The following VSTM2B variants were observed in gnomAD, a reference collection of about 807,000 sequenced individuals.
The protein encoded by VSTM2B is V-set and transmembrane domain containing 2B, also known as V-set and transmembrane domain-containing protein 2B.
VSTM2B carries 24 observed loss-of-function variants against 24.0 expected under a neutral mutation model. That is an observed-to-expected ratio of 1.00 (90% CI 0.72 to 1.40). The LOEUF (loss-of-function observed/expected upper bound fraction) is 1.40, where lower values mean the gene tolerates loss of function less well. Among genes scored for constraint, VSTM2B ranks in the 40% most tolerant of loss-of-function variants. VSTM2B has a pLI of 0.00. For missense variants in VSTM2B, 399 were observed against 416.4 expected (o/e 0.96, Z 0.36); for synonymous variants, 226 against 194.4 (o/e 1.16, Z -1.35).
chr19:29,553,827 C>T (rs796337435), intron 4 of VSTM2B, among the ~76,000 whole-genome samples: 3 of 152,194 alleles, frequency 2.0e-5, no homozygotes, highest in African/African-American at 7.2e-5. Context: ...AATTTCAGAG[C>T]TTGAAGACTA....
At chr19:29,527,100 C>A in intron 1 of VSTM2B, 111 bp from the exon 2 acceptor site, 1 of 969,084 alleles carries the variant, frequency 1.0e-6, no homozygotes, top group Non-Finnish European at 1.5e-6. Flanking sequence ...GGAGCAGCTG[C>A]GGGGTGGGGG....
intron 4 of VSTM2B, among the ~76,000 whole-genome samples, chr19:29,539,998 G>A (rs1429300800): frequency 6.6e-6 from 1 of 152,272 alleles, no homozygotes; most frequent in Non-Finnish European, 1.5e-5. Flanking sequence ...TCCATCAGCT[G>A]CCCTCAGGGA....
intron 4 of VSTM2B, among the ~76,000 whole-genome samples, chr19:29,546,609 C>A (rs986031800): frequency 2.0e-5 from 3 of 152,204 alleles, no homozygotes; most frequent in African/African-American, 2.4e-5. Context: ...GGGGCAGGGG[C>A]CCCTCAGGTG....
intron 4 of VSTM2B, among the ~76,000 whole-genome samples, chr19:29,562,334 G>A (rs1448749102): frequency 6.6e-6 from 1 of 152,216 alleles, no homozygotes; most frequent in Non-Finnish European, 1.5e-5. Flanking sequence ...CCTGGAGAGA[G>A]GAGAGCTGTG....
chr19:29,561,861 G>A (rs552105031), intron 4 of VSTM2B, among the ~76,000 whole-genome samples: 138 of 152,318 alleles, frequency 9.1e-4, no homozygotes, highest in Middle Eastern at 6.8e-3. Context: ...AGAGCAGATT[G>A]GAGTCTTTGC....
chr19:29,527,159 C>T, intron 1 of VSTM2B, 52 bp from the exon 2 acceptor site: 1 of 1,492,232 alleles, frequency 6.7e-7, no homozygotes, highest in South Asian at 1.3e-5. Flanking sequence ...TAGGTTGCCC[C>T]AGGCCCCCGA....
intron 4 of VSTM2B, among the ~76,000 whole-genome samples, chr19:29,546,670 G>GCCCCCCCCCCCCCCC (rs201235419): frequency 1.3e-5 from 2 of 150,320 alleles, no homozygotes; most frequent in Admixed American, 6.6e-5. Context: ...CCGCTGGGGA[G>GCCCCCCCCCCCCCCC]CCCCCACCCC....
At chr19:29,547,109 CA>C (rs1279650944) in intron 4 of VSTM2B, among the ~76,000 whole-genome samples, 4 of 152,098 alleles carry the variant, frequency 2.6e-5, no homozygotes, top group Non-Finnish European at 4.4e-5. Context: ...CCAGATTTAG[CA>C]AATAAAAATA....
chr19:29,542,059 G>A (rs1970032879), intron 4 of VSTM2B, among the ~76,000 whole-genome samples: 2 of 150,952 alleles, frequency 1.3e-5, no homozygotes, highest in Non-Finnish European at 3.0e-5. Flanking sequence ...AGAACGAATG[G>A]ATGGGTAGAA....
chr19:29,538,467 C>G (rs1381346470), intron 4 of VSTM2B, among the ~76,000 whole-genome samples: 2 of 152,162 alleles, frequency 1.3e-5, no homozygotes, highest in African/African-American at 4.8e-5. Flanking sequence ...CAGGGTGCTC[C>G]GATCTGAGAC....
intron 4 of VSTM2B, among the ~76,000 whole-genome samples, chr19:29,543,443 G>A (rs550735195): frequency 4.7e-4 from 72 of 152,356 alleles, no homozygotes; most frequent in Admixed American, 7.2e-4. Flanking sequence ...AAATATCCAG[G>A]TGTCACTGAG....
chr19:29,535,488 C>T (rs1157732534), intron 4 of VSTM2B, among the ~76,000 whole-genome samples: 2 of 152,128 alleles, frequency 1.3e-5, no homozygotes, highest in African/African-American at 4.8e-5. Flanking sequence ...CTGGATGTGG[C>T]AAGCTGCTGC....
chr19:29,559,334 C>T (rs1970479196), intron 4 of VSTM2B, among the ~76,000 whole-genome samples: 1 of 152,176 alleles, frequency 6.6e-6, no homozygotes. Context: ...AGCTGGAAAT[C>T]ACCATTCTCA....
intron 4 of VSTM2B, among the ~76,000 whole-genome samples, chr19:29,544,525 CAAAAAAAAAAAAAAAAAAA>C (rs58540469): frequency 7.4e-5 from 4 of 54,342 alleles, no homozygotes; most frequent in African/African-American, 2.3e-4. Context: ...GACTCTGTCT[CAAAAAAAAAAAAAAAAAAA>C]AAAAAAAAAA....
Position 29,557,654 on chromosome 19 carries a change from G to A in VSTM2B, c.770-6192G>A, listed in dbSNP as rs146014883. 6.7e-3 allele frequency among the ~76,000 whole-genome samples: 1,008 copies of A among 151,400 alleles called. 8 individuals carry two copies. The highest frequency in any genetic ancestry group is 0.02 in the Middle Eastern group (6 of 294). ...GTGGAGGTTGCAGTGAGCTGAGATG[G>A]TGCCATTGCACTCCAGCCTGGGCAA... On this transcript the variant is annotated intron_variant, in intron 4 of 4. Transcript: ENST00000335523.
chr19:29,529,602 C>G (rs966111975), intron 3 of VSTM2B, among the ~76,000 whole-genome samples: 1 of 152,172 alleles, frequency 6.6e-6, no homozygotes, highest in Admixed American at 6.5e-5. Flanking sequence ...GACGTGGGGA[C>G]ACAGTCCAAA....
chr19:29,533,597 T>C (rs1450644582), intron 4 of VSTM2B, among the ~76,000 whole-genome samples: 3 of 151,936 alleles, frequency 2.0e-5, no homozygotes, highest in African/African-American at 7.3e-5. Context: ...GCACGGAAAA[T>C]GGATGGCAGA....
At chr19:29,549,899 G>A (rs1970239348) in intron 4 of VSTM2B, among the ~76,000 whole-genome samples, 1 of 152,138 alleles carries the variant, frequency 6.6e-6, no homozygotes, top group South Asian at 2.1e-4. Flanking sequence ...TGGGGAATTG[G>A]GAAGAGCAGG....
chr19:29,537,627 G>C (rs1969920327), intron 4 of VSTM2B, among the ~76,000 whole-genome samples: 1 of 151,536 alleles, frequency 6.6e-6, no homozygotes, highest in Non-Finnish European at 1.5e-5. Flanking sequence ...GGAACGTTGA[G>C]GGGTCCTGGC....
Sources: allele counts gnomAD v4.1 joint callset (sites outside exome capture counted in the v4.1 genomes callset), GRCh38; gene constraint gnomAD v4.1.1; transcripts MANE v1.5; gene names NCBI Gene and HGNC (gene_info 2026-07-23, HGNC 2026-07-21).